Variants in AGBL4 observed in about 807,000 individuals in gnomAD.
AGBL4 encodes AGBL carboxypeptidase 4.
In AGBL4, 58 loss-of-function variants were observed where a neutral mutation model predicts 66.4. That is an observed-to-expected ratio of 0.87 (90% CI 0.71 to 1.09). The LOEUF (loss-of-function observed/expected upper bound fraction) is 1.09, where lower values mean the gene tolerates loss of function less well. Among genes scored for constraint, AGBL4 ranks in the 50% least tolerant of loss-of-function variants. The pLI is 0.00. For synonymous variants in AGBL4, 234 were observed against 222.9 expected (o/e 1.05, Z -0.44); for missense variants, 579 against 631.0 (o/e 0.92, Z 0.88).
chr1:48,837,533 A>T (rs1425812266), intron 6 of AGBL4, among the ~76,000 whole-genome samples: 1 of 151,576 alleles, frequency 6.6e-6, no homozygotes, highest in Non-Finnish European at 1.5e-5. Context: ...CCCATGCTGG[A>T]TGCTTCCTGC....
intron 3 of AGBL4, among the ~76,000 whole-genome samples, chr1:49,568,520 C>CACACACACACACAA: frequency 6.6e-6 from 1 of 151,320 alleles, no homozygotes; most frequent in Non-Finnish European, 1.5e-5. Flanking sequence ...CACACACACA[C>CACACACACACACAA]ACAAATGCCA....
At position 48,579,980 on chromosome 1, in the gene AGBL4, T is replaced by A. The variant is rs1644715070; in HGVS notation, c.1267+7024A>T. On this transcript the variant is annotated intron_variant, in intron 11 of 13. Transcript: ENST00000371839. ...TGTTAGATATTGGAACATGTTAAAA[T>A]GGGACTTCTAAAATTGTAGTTTCGA... Among the ~76,000 whole-genome samples the A allele has an allele frequency of 2.7e-5, 4 of 149,290 alleles. No homozygotes were observed. In the South Asian group the frequency reaches 8.4e-4, roughly 32 times the overall value.
intron 6 of AGBL4, among the ~76,000 whole-genome samples, chr1:48,774,397 C>CAGGT (rs1644977197): frequency 6.6e-6 from 1 of 152,162 alleles, no homozygotes; most frequent in South Asian, 2.1e-4. Flanking sequence ...GCCCTTCGAT[C>CAGGT]AGGTCTCTAT....
intron 1 of AGBL4, among the ~76,000 whole-genome samples, chr1:49,987,645 T>C (rs1659607892): frequency 6.6e-6 from 1 of 152,040 alleles, no homozygotes; most frequent in Non-Finnish European, 1.5e-5. Context: ...AATCTAAGAC[T>C]GTCCACTGAA....
chr1:49,677,091 C>T (rs1646595025), intron 3 of AGBL4, among the ~76,000 whole-genome samples: 3 of 151,962 alleles, frequency 2.0e-5, no homozygotes, highest in Admixed American at 2.0e-4. Flanking sequence ...GGAAACATTA[C>T]CTGGCACCTC....
intron 1 of AGBL4, among the ~76,000 whole-genome samples, chr1:49,904,151 TG>T (rs1650043673): frequency 6.6e-6 from 1 of 152,188 alleles, no homozygotes; most frequent in Non-Finnish European, 1.5e-5. Flanking sequence ...TCCATTCATA[TG>T]GATACTTTTC....
chr1:48,770,677 T>G (rs1484533055), intron 6 of AGBL4, among the ~76,000 whole-genome samples: 1 of 152,150 alleles, frequency 6.6e-6, no homozygotes, highest in Non-Finnish European at 1.5e-5. Context: ...CCCTTAAGAT[T>G]CGACAGGTCT....
chr1:49,516,089 T>A (rs1649795437), intron 3 of AGBL4, among the ~76,000 whole-genome samples: 1 of 149,784 alleles, frequency 6.7e-6, no homozygotes, highest in Non-Finnish European at 1.5e-5. Context: ...AAAAAATGAC[T>A]GGCCCAATGG....
At position 48,642,296 on chromosome 1, in the gene AGBL4, G is replaced by A. The variant is rs114799237; in HGVS notation, c.840-7692C>T. Among the ~76,000 whole-genome samples, 789 of 152,280 alleles carry A rather than the reference G, an allele frequency of 5.2e-3. 10 individuals carry two copies. The highest frequency in any genetic ancestry group is 0.017 in the African/African-American group (724 of 41,548). ...GCCTTTTCGGCAAGGTGGTGTGACT[G>A]GGGACAAGGGCGCTCAGATCACATC... On this transcript the variant is annotated intron_variant, in intron 8 of 13. Transcript: ENST00000371839.
At chr1:49,272,541 A>G (rs993501335) in intron 3 of AGBL4, among the ~76,000 whole-genome samples, 2 of 152,202 alleles carry the variant, frequency 1.3e-5, no homozygotes, top group African/African-American at 4.8e-5. Flanking sequence ...TTTATTTAAA[A>G]AGTTAAAATT....
At chr1:48,889,824 C>T (rs1308252022) in intron 5 of AGBL4, among the ~76,000 whole-genome samples, 1 of 152,094 alleles carries the variant, frequency 6.6e-6, no homozygotes, top group Non-Finnish European at 1.5e-5. Context: ...AACCAGAGGC[C>T]CTTTCTCATG....
chr1:49,400,297 A>T (rs1288272459), intron 3 of AGBL4, among the ~76,000 whole-genome samples: 1 of 152,116 alleles, frequency 6.6e-6, no homozygotes, highest in Admixed American at 6.5e-5. Context: ...CTGTAGCATA[A>T]TCTGAAGTCA....
intron 4 of AGBL4, among the ~76,000 whole-genome samples, chr1:49,203,088 C>CAAAAAAAAA: frequency 7.4e-6 from 1 of 135,872 alleles, no homozygotes; most frequent in East Asian, 2.1e-4. Context: ...TGGCTACTAT[C>CAAAAAAAAA]AAAAAAAAAA....
At chr1:49,733,370 G>A (rs1043428375) in intron 2 of AGBL4, among the ~76,000 whole-genome samples, 4 of 152,140 alleles carry the variant, frequency 2.6e-5, no homozygotes, top group Non-Finnish European at 4.4e-5. Flanking sequence ...GTAAACATGT[G>A]GGTAAAGATG....
intron 6 of AGBL4, among the ~76,000 whole-genome samples, chr1:48,811,466 T>A (rs1004218927): frequency 2.6e-5 from 4 of 152,214 alleles, no homozygotes; most frequent in African/African-American, 9.7e-5. Context: ...TATTTTTAAC[T>A]GTTTCAAATT....
chr1:49,747,862 T>C (rs952724399), intron 2 of AGBL4, among the ~76,000 whole-genome samples: 1 of 152,072 alleles, frequency 6.6e-6, no homozygotes, highest in Non-Finnish European at 1.5e-5. Flanking sequence ...AAATTTATTT[T>C]TTATCTACAA....
chr1:49,195,686 G>A (rs1229421810), intron 4 of AGBL4, among the ~76,000 whole-genome samples: 1 of 152,204 alleles, frequency 6.6e-6, no homozygotes, highest in East Asian at 1.9e-4. Flanking sequence ...CTTGTATCTA[G>A]ATATCTAAAT....
intron 3 of AGBL4, among the ~76,000 whole-genome samples, chr1:49,397,582 C>A (rs576169809): frequency 1.3e-5 from 2 of 152,072 alleles, no homozygotes; most frequent in African/African-American, 4.8e-5. Context: ...AGAATTGAAT[C>A]AGAAGAGTAT....
chr1:48,659,659 A>ATC (rs1646075806), intron 7 of AGBL4, among the ~76,000 whole-genome samples: 2 of 152,214 alleles, frequency 1.3e-5, no homozygotes, highest in Admixed American at 6.5e-5. Flanking sequence ...AGCAGAGCTC[A>ATC]GCTAGTGACC....
Sources: allele counts gnomAD v4.1 joint callset (sites outside exome capture counted in the v4.1 genomes callset), GRCh38; gene constraint gnomAD v4.1.1; transcripts MANE v1.5; gene names NCBI Gene and HGNC (gene_info 2026-07-23, HGNC 2026-07-21).